The following ITFG1 variants were observed in gnomAD, a reference collection of about 807,000 sequenced individuals.
ITFG1 encodes the protein integrin alpha FG-GAP repeat containing 1.
In ITFG1, 34 loss-of-function variants were observed where a neutral mutation model predicts 81.8. The ratio of observed to expected loss-of-function variants is 0.42; its 90% CI spans 0.32 to 0.55. The LOEUF (loss-of-function observed/expected upper bound fraction) is 0.55. Ranked by LOEUF, ITFG1 falls within the 20% of genes least tolerant of loss-of-function variation. The pLI is 0.17. For missense variants in ITFG1, 672 were observed against 755.4 expected, an observed-to-expected ratio of 0.89 and a Z score of 1.29; for synonymous variants, 285 against 270.6, an observed-to-expected ratio of 1.05 and a Z score of -0.52.
chr16:47,160,260 C>T (rs1395584693), intron 16 of ITFG1, among the ~76,000 whole-genome samples: 5 of 150,898 alleles, frequency 3.3e-5, no homozygotes, highest in African/African-American at 4.9e-5. Context: ...TTACCAGTTT[C>T]CTGCATATCC....
At chr16:47,260,243 C>T (rs1395911992) in intron 11 of ITFG1, among the ~76,000 whole-genome samples, 1 of 152,024 alleles carries the variant, frequency 6.6e-6, no homozygotes. Context: ...GGCCTGTTGG[C>T]TGTAATTTTG....
chr16:47,443,874 G>A (rs1258755659), intron 5 of ITFG1, among the ~76,000 whole-genome samples: 3 of 152,008 alleles, frequency 2.0e-5, no homozygotes, highest in Non-Finnish European at 4.4e-5. Context: ...TTGTGCACAT[G>A]TACCCTAAAA....
chr16:47,459,021 T>C, intron 2 of ITFG1, 82 bp downstream of exon 2: 2 of 875,854 alleles, frequency 2.3e-6, no homozygotes, highest in South Asian at 1.5e-5. Flanking sequence ...AGGCTGACTT[T>C]AAAGACAACC....
chr16:47,389,948 T>C (rs1968510124), intron 6 of ITFG1, among the ~76,000 whole-genome samples: 1 of 152,222 alleles, frequency 6.6e-6, no homozygotes, highest in Non-Finnish European at 1.5e-5. Flanking sequence ...CATTAATAAC[T>C]TGTCAGTGAA....
rs1358122612 is a variant in ITFG1 at position 47,349,683 on chromosome 16, T to C, written c.802+16105A>G. ...GAAAGTTAACAAGGATATCCAGGAA[T>C]TGAATTCAGCTCTGGACCAAGCAGA... On this transcript the variant is annotated intron_variant, in intron 8 of 17. Coordinates refer to ENST00000320640, the MANE Select transcript of ITFG1 (RefSeq NM_030790.5). 2.6e-5 allele frequency among the ~76,000 whole-genome samples: 4 copies of C among 152,140 alleles called. No homozygotes were observed. The South Asian group carries it at 6.2e-4, about 24-fold the overall frequency.
chr16:47,244,379 C>T (rs944827674), intron 12 of ITFG1, among the ~76,000 whole-genome samples: 2 of 152,092 alleles, frequency 1.3e-5, no homozygotes, highest in Non-Finnish European at 2.9e-5. Context: ...GCTGAGCCCT[C>T]AACCTATGGG....
At chr16:47,415,667 T>C (rs1192280229) in intron 6 of ITFG1, among the ~76,000 whole-genome samples, 3 of 152,162 alleles carry the variant, frequency 2.0e-5, no homozygotes, top group African/African-American at 7.2e-5. Context: ...TGAAATACCA[T>C]TTTTTCCAAT....
chr16:47,297,759 A>G (rs1277952451), intron 10 of ITFG1, among the ~76,000 whole-genome samples: 1 of 151,994 alleles, frequency 6.6e-6, no homozygotes, highest in African/African-American at 2.4e-5. Context: ...ACTAGACATC[A>G]GATTTTTTCC....
At position 47,290,687 on chromosome 16, in the gene ITFG1, A is replaced by G. The variant is rs576783270; in HGVS notation, c.1070+20553T>C. On this transcript the variant is annotated intron_variant, in intron 10 of 17. Transcript: ENST00000320640. ...TACCGTCTCTTCACTTGCAGTCTAT[A>G]TGTGTATTTACAGGTAAAGTGAGTA... is the stretch of plus-strand genomic sequence containing the variant. 7.2e-5 allele frequency among the ~76,000 whole-genome samples: 11 copies of G among 152,186 alleles called. No individual in the cohort carries two copies. In the East Asian group the frequency reaches 2.1e-3, roughly 29 times the overall value.
intron 5 of ITFG1, among the ~76,000 whole-genome samples, chr16:47,434,090 C>T (rs949511286): frequency 6.6e-6 from 1 of 150,376 alleles, no homozygotes; most frequent in African/African-American, 2.4e-5. Flanking sequence ...AATATAAAAC[C>T]TAAACTATAA....
At chr16:47,226,722 T>C (rs568635575) in intron 13 of ITFG1, among the ~76,000 whole-genome samples, 9 of 152,086 alleles carry the variant, frequency 5.9e-5, no homozygotes, top group Admixed American at 2.6e-4. Flanking sequence ...ATTTTTTTCA[T>C]CTATTTCAAC....
At position 47,158,874 on chromosome 16, in the gene ITFG1, T is replaced by C; in HGVS notation, c.1778A>G (p.Lys593Arg). Residue 593 changes from lysine (K) to arginine (R), a missense_variant and splice_region_variant, in exon 17 of 18, where the codon AAG becomes AGG. By Grantham distance (26) the Lys-to-Arg change is conservative. Coordinates refer to ENST00000320640, the MANE Select transcript of ITFG1 (RefSeq NM_030790.5). Reference protein sequence around the residue: ...AIIGILHWQEKKADDREKRQE... With the variant: ...AIIGILHWQERKADDREKRQE... Reference sequence around the variant, plus strand: ...AATGCTTCCTTTAAATGAACAAACCTTTTCCTGCCAATGTAAAATGCCAAT... The same window carrying C: ...AATGCTTCCTTTAAATGAACAAACCCTTTCCTGCCAATGTAAAATGCCAAT... The C allele has an allele frequency of 6.5e-7, 1 of 1,529,226 alleles. No homozygotes were observed. Among genetic ancestry groups the C allele is most frequent in the Non-Finnish European group, 9.0e-7 (1 of 1,109,498 alleles). 94.7% of individuals were successfully genotyped at this position (1,529,226 alleles called of 1,614,324 possible).
At position 47,451,485 on chromosome 16, in the gene ITFG1, A is replaced by AT. The variant is rs1253247502; in HGVS notation, c.486-16_486-15insA. 1.5e-6 allele frequency: 2 copies of AT among 1,342,128 alleles called. No individual in the cohort carries two copies. The highest frequency in any genetic ancestry group is 1.5e-5 in the African/African-American group (1 of 68,578). 83.1% of individuals were successfully genotyped at this position (1,342,128 alleles called of 1,614,324 possible). A position where few individuals can be genotyped will look rare whatever the true frequency, so the allele number is the denominator to read the frequency against. On this transcript the variant is annotated splice_polypyrimidine_tract_variant and intron_variant, in intron 4 of 17. Transcript: ENST00000320640. ...CACCATTGAAACTGAAAAAAAATTA[A>AT]AACAATAAGCAGCTATTTCTTTAAA...
intron 8 of ITFG1, among the ~76,000 whole-genome samples, chr16:47,349,338 A>T (rs1230495894): frequency 6.8e-6 from 1 of 147,128 alleles, no homozygotes; most frequent in East Asian, 1.9e-4. Flanking sequence ...AGACACACAT[A>T]GGCTCAAAAT....
intron 6 of ITFG1, chr16:47,426,080 G>T (rs1238085879): frequency 2.0e-5 from 3 of 152,038 alleles, no homozygotes; most frequent in African/African-American, 4.8e-5. Context: ...TACTTTGTGT[G>T]ATCTCATGAT....
intron 14 of ITFG1, among the ~76,000 whole-genome samples, chr16:47,215,644 AT>A (rs1396502208): frequency 6.6e-6 from 1 of 152,172 alleles, no homozygotes; most frequent in African/African-American, 2.4e-5. Context: ...TTGTTTATAT[AT>A]TTTTCCTACA....
At chr16:47,163,545 T>C (rs1436697332) in intron 14 of ITFG1, among the ~76,000 whole-genome samples, 1 of 152,236 alleles carries the variant, frequency 6.6e-6, no homozygotes, top group African/African-American at 2.4e-5. Context: ...ATTTCATTAA[T>C]TGATGGACAT....
intron 12 of ITFG1, among the ~76,000 whole-genome samples, chr16:47,238,848 T>C (rs1218866407): frequency 6.6e-6 from 1 of 152,226 alleles, no homozygotes; most frequent in African/African-American, 2.4e-5. Flanking sequence ...ACAATCATTC[T>C]AATATAAATG....
At chr16:47,194,112 G>T (rs138816526) in intron 14 of ITFG1, among the ~76,000 whole-genome samples, 1 of 152,120 alleles carries the variant, frequency 6.6e-6, no homozygotes, top group African/African-American at 2.4e-5. Flanking sequence ...TTCCCATTAT[G>T]TTGACTTTGC....
Sources: allele counts gnomAD v4.1 joint callset (sites outside exome capture counted in the v4.1 genomes callset), GRCh38; gene constraint gnomAD v4.1.1; transcripts MANE v1.5; gene names NCBI Gene and HGNC (gene_info 2026-07-23, HGNC 2026-07-21).